APC: variants seen among roughly 807,000 people sequenced by gnomAD.
APC encodes adenomatous polyposis coli protein.
In APC, 72 loss-of-function variants were observed where a neutral mutation model predicts 247.0. The ratio of observed to expected loss-of-function variants is 0.29; its 90% CI spans 0.24 to 0.35. APC has a LOEUF of 0.35. Among genes scored for constraint, APC ranks in the 10% least tolerant of loss-of-function variants. The probability of loss-of-function intolerance (pLI) is 1.00; values close to 1 mark genes in which losing one functional copy is unlikely to be tolerated. For missense variants in APC, 3,400 were observed against 3,360.7 expected (o/e 1.01, Z -0.29); for synonymous variants, 1,254 against 1,162.5 (o/e 1.08, Z -1.60).
At position 112,739,888 on chromosome 5, in the gene APC, T is replaced by C. The variant is rs148289899; in HGVS notation, c.-19+1963T>C. Reference sequence around the variant, plus strand: ...TTACATAAATTACCTTTTACCATTTTAACAGCTCATTGTAGCATTATTTTT... The same window carrying C: ...TTACATAAATTACCTTTTACCATTTCAACAGCTCATTGTAGCATTATTTTT... On this transcript the variant is annotated intron_variant, in intron 1 of 15. Transcript: ENST00000257430. Among the ~76,000 whole-genome samples the C allele has an allele frequency of 6.6e-3, 1,005 of 152,334 alleles. 14 individuals carry two copies. The highest frequency in any genetic ancestry group is 0.023 in the African/African-American group (938 of 41,580).
chr5:112,710,945 C>G (rs539706850), intron 1 of APC, among the ~76,000 whole-genome samples: 1 of 152,192 alleles, frequency 6.6e-6, no homozygotes, highest in African/African-American at 2.4e-5. Flanking sequence ...GCTTTGCACT[C>G]GTACTGCCTT....
chr5:112,795,234 G>T (rs1035165382), intron 7 of APC, among the ~76,000 whole-genome samples: 2 of 152,048 alleles, frequency 1.3e-5, no homozygotes, highest in Non-Finnish European at 2.9e-5. Flanking sequence ...CACCATATTG[G>T]CCAGGCTGGG....
chr5:112,752,019 T>C (rs1754436832), intron 1 of APC, among the ~76,000 whole-genome samples: 1 of 152,096 alleles, frequency 6.6e-6, no homozygotes, highest in Non-Finnish European at 1.5e-5. Context: ...ATGATATAAT[T>C]AATTTTCTAA....
Position 112,841,390 on chromosome 5 carries a change from T to C in APC, c.5796T>C (p.Thr1932=), listed in dbSNP as rs1580664039. ...AACCCATACTTCAGAAACAATCCAC[T>C]TTTCCCCAGTCATCCAAAGACATAC... ...QPKPILQKQS[T]FPQSSKDIPD... is the part of the protein sequence containing the mutation. The change falls in exon 16 of 16, where the codon ACT becomes ACC. Residue 1932 remains threonine (T), a synonymous_variant. Coordinates refer to ENST00000257430, the MANE Select transcript of APC (RefSeq NM_000038.6). This position sits in a 1 kb window ranked among gnomAD's most constrained non-coding sequence, Gnocchi z 4.6. 6.2e-7 allele frequency: 1 copy of C among 1,613,728 alleles called. No homozygotes were observed. Among genetic ancestry groups the C allele is most frequent in the Non-Finnish European group, 8.5e-7 (1 of 1,179,724 alleles).
chr5:112,734,510 A>G (rs923079006), upstream of APC, among the ~76,000 whole-genome samples: 17 of 152,140 alleles, frequency 1.1e-4, no homozygotes, highest in African/African-American at 3.9e-4. Context: ...TGTTTTTTCA[A>G]TGCATAATTA....
intron 7 of APC, among the ~76,000 whole-genome samples, chr5:112,795,154 G>C (rs1313651044): frequency 6.6e-6 from 1 of 152,156 alleles, no homozygotes; most frequent in Non-Finnish European, 1.5e-5. Context: ...AGCCTCCCTA[G>C]TAGCTGGGAT....
At chr5:112,800,352 T>C (rs982594418) in intron 7 of APC, among the ~76,000 whole-genome samples, 3 of 152,162 alleles carry the variant, frequency 2.0e-5, no homozygotes, top group African/African-American at 7.2e-5. Flanking sequence ...CTTATATTTC[T>C]GGATTACTGA....
chr5:112,788,479 C>T (rs527481630), intron 6 of APC, among the ~76,000 whole-genome samples: 2 of 152,234 alleles, frequency 1.3e-5, no homozygotes, highest in African/African-American at 2.4e-5. Context: ...AAATTCTCTG[C>T]CTCAGTTTTC....
At chr5:112,725,939 T>C (rs1254769165) in intron 1 of APC, among the ~76,000 whole-genome samples, 1 of 152,230 alleles carries the variant, frequency 6.6e-6, no homozygotes, top group Non-Finnish European at 1.5e-5. Context: ...TCCTTATTAA[T>C]AGCCTGTGTC....
rs1379779146 is a variant in APC at position 112,846,002 on chromosome 5, T to A, written c.*1876T>A. The A allele has an allele frequency of 4.3e-6, 1 of 231,982 alleles. No individual in the cohort carries two copies. The allele number at this position is 231,982 out of a possible 1,614,324, so 14.4% of individuals were successfully genotyped here. A position where few individuals can be genotyped will look rare whatever the true frequency, so the allele number is the denominator to read the frequency against. ...ACCTGTGTTTATAACTTCCAGGTAA[T>A]GAGAATGATTTTTTTTAAAGCTAAA... On this transcript the variant is annotated 3_prime_UTR_variant, in exon 16 of 16. Coordinates refer to ENST00000257430, the MANE Select transcript of APC (RefSeq NM_000038.6).
chr5:112,820,398 G>A (rs1762996917), intron 10 of APC, among the ~76,000 whole-genome samples: 1 of 152,130 alleles, frequency 6.6e-6, no homozygotes, highest in Admixed American at 6.5e-5. Context: ...GCCTGTAATG[G>A]CAGCACTTTG....
intron 1 of APC, among the ~76,000 whole-genome samples, chr5:112,720,755 G>T: frequency 6.6e-6 from 1 of 152,168 alleles, no homozygotes; most frequent in Non-Finnish European, 1.5e-5. Context: ...GGCAGTATTG[G>T]ATATCCTTTG....
At chr5:112,779,648 A>G (rs978694885) in intron 5 of APC, among the ~76,000 whole-genome samples, 1 of 152,120 alleles carries the variant, frequency 6.6e-6, no homozygotes, top group African/African-American at 2.4e-5. Flanking sequence ...CATTATTGCA[A>G]CATACTGTGT....
chr5:112,731,524 C>A (rs758845801), intron 1 of APC, among the ~76,000 whole-genome samples: 1 of 152,134 alleles, frequency 6.6e-6, no homozygotes, highest in Admixed American at 6.5e-5. Context: ...GAGGGTGGAA[C>A]GTGAATACCT....
At chr5:112,754,239 A>G (rs575131927) in intron 1 of APC, among the ~76,000 whole-genome samples, 8 of 152,334 alleles carry the variant, frequency 5.3e-5, no homozygotes, top group African/African-American at 1.4e-4. Flanking sequence ...ATTGAACTTT[A>G]TGTTAGTAAT....
rs2545165 is a variant in APC, at chr5:112,817,422, C to T, written c.934-1544C>T. Among the ~76,000 whole-genome samples, 95,480 of 151,898 alleles carry T rather than the reference C, an allele frequency of 0.63. 30,361 individuals are homozygous for T. Among genetic ancestry groups the T allele is most frequent in the East Asian group, 0.82 (4,237 of 5,168 alleles). ...ATCCTGTTTATACTTCTTGGGACCTCATATGCCATTCACTGTGCCAGGAGT... is the reference window on the plus strand; with the variant it reads ...ATCCTGTTTATACTTCTTGGGACCTTATATGCCATTCACTGTGCCAGGAGT... On this transcript the variant is annotated intron_variant, in intron 9 of 15. Transcript: ENST00000257430.
chr5:112,790,215 G>C (rs1005346138), intron 6 of APC, among the ~76,000 whole-genome samples: 3 of 151,940 alleles, frequency 2.0e-5, no homozygotes, highest in Admixed American at 1.3e-4. Context: ...TAGAGACTCA[G>C]CTTAGTTATA....
At position 112,838,734 on chromosome 5, in the gene APC, A is replaced by G. The variant is rs1292530466; in HGVS notation, c.3140A>G (p.Glu1047Gly). The change falls in exon 16 of 16, where the codon GAA becomes GGA. Residue 1047 changes from glutamate (E) to glycine (G), a missense_variant. Transcript: ENST00000257430. ...NSGRQSPSQN[E>G]RWARPKHIIE... The stretch of plus-strand genomic sequence containing the variant: ...GGAAGGCAAAGTCCTTCACAGAATG[A>G]AAGATGGGCAAGACCCAAACACATA... The G allele has an allele frequency of 6.2e-7, 1 of 1,614,210 alleles. No individual in the cohort carries two copies.
rs1766979628 is a variant in APC, at chr5:112,846,161, A to C, written c.*2035A>C. The stretch of plus-strand genomic sequence containing the variant: ...TGATTGACCTTTAAATTTTTGCCAA[A>C]TGTTATCTGAAATTGTCTATGAATA... On this transcript the variant is annotated 3_prime_UTR_variant, in exon 16 of 16. Transcript: ENST00000257430. The C allele has an allele frequency of 4.3e-6, 1 of 232,072 alleles. No homozygotes were observed. Among genetic ancestry groups the C allele is most frequent in the Admixed American group, 5.6e-5 (1 of 17,756 alleles). The allele number at this position is 232,072 out of a possible 1,614,324, so 14.4% of individuals were successfully genotyped here.
Sources: gnomAD v4.1 joint callset for allele counts (sites outside exome capture counted in the v4.1 genomes callset) on GRCh38, gnomAD v4.1.1 for gene constraint, Gnocchi (gnomAD v3.1) non-coding constraint, MANE v1.5 for transcripts, NCBI Gene and HGNC (gene_info 2026-07-23, HGNC 2026-07-21) for gene names.